NAMPT: variants seen among roughly 807,000 people sequenced by gnomAD.
NAMPT encodes NAmPRTase.
A neutral mutation model predicts 58.7 loss-of-function variants in NAMPT; 7 were observed. The ratio of observed to expected loss-of-function variants is 0.12; its 90% CI spans 0.07 to 0.22. NAMPT has a LOEUF of 0.22. Among genes scored for constraint, NAMPT ranks in the 10% least tolerant of loss-of-function variants. The pLI is 1.00. For missense variants in NAMPT, 271 were observed against 567.9 expected, an observed-to-expected ratio of 0.48 and a Z score of 5.31; for synonymous variants, 145 against 198.1, an observed-to-expected ratio of 0.73 and a Z score of 2.25.
At chr7:106,279,900 C>T (rs939917342) in intron 1 of NAMPT, among the ~76,000 whole-genome samples, 1 of 151,618 alleles carries the variant, frequency 6.6e-6, no homozygotes, top group Non-Finnish European at 1.5e-5. Context: ...AATGCTTTGG[C>T]ATAAGGGACA....
chr7:106,267,626 G>C (rs1474340669), intron 6 of NAMPT, among the ~76,000 whole-genome samples: 1 of 151,692 alleles, frequency 6.6e-6, no homozygotes, highest in African/African-American at 2.4e-5. Flanking sequence ...CGGATCACGA[G>C]GTCAGGAGAT....
intron 9 of NAMPT, among the ~76,000 whole-genome samples, chr7:106,253,926 G>GCT (rs1203370912): frequency 1.3e-5 from 2 of 152,092 alleles, no homozygotes; most frequent in Admixed American, 6.6e-5. Flanking sequence ...CACTTGCCTA[G>GCT]CTGTTCTATG....
At chr7:106,274,441 A>G (rs1251805335) in intron 3 of NAMPT, among the ~76,000 whole-genome samples, 2 of 151,966 alleles carry the variant, frequency 1.3e-5, no homozygotes, top group African/African-American at 4.8e-5. Context: ...GTCAACCTTA[A>G]CTTTTCAAAA....
rs1481815870 is a variant in NAMPT, at chr7:106,284,899, C to T, written c.-15G>A. On this transcript the variant is annotated 5_prime_UTR_variant, in exon 1 of 11. Transcript: ENST00000222553. ...GCAGGATTCATCTCGGGCCGGAGGA[C>T]AGGGGCCGCGCGCCGCGAGCTCCCT... The T allele has an allele frequency of 3.8e-6, 6 of 1,578,528 alleles. No homozygotes were observed. Among genetic ancestry groups the T allele is most frequent in the Non-Finnish European group, 5.2e-6 (6 of 1,161,414 alleles).
At chr7:106,278,987 T>C (rs924818813) in intron 1 of NAMPT, among the ~76,000 whole-genome samples, 3 of 152,212 alleles carry the variant, frequency 2.0e-5, no homozygotes, top group Admixed American at 1.3e-4. Context: ...TTTCTTTTTC[T>C]GAGAAGACGA....
intron 5 of NAMPT, 33 bp from the exon 6 acceptor site, chr7:106,268,633 CAGAA>C (rs1562816225): frequency 2.6e-6 from 4 of 1,528,614 alleles, no homozygotes. Flanking sequence ...AAATCCAAAA[CAGAA>C]AGAAACCCAC....
chr7:106,272,452 A>AT lies in NAMPT; in HGVS notation c.447+77_447+78insA, dbSNP rs1290125128. ...TAGGAGATTATATAGCTTTATTAGT[A>AT]ACAAATTCTAAACTGTAATCTCAGT... On this transcript the variant is annotated intron_variant, in intron 4 of 10. Transcript: ENST00000222553. The AT allele has an allele frequency of 1.1e-5, 15 of 1,332,008 alleles. No individual in the cohort carries two copies. In the African/African-American group the frequency reaches 2.1e-4, roughly 19 times the overall value. 82.5% of individuals were successfully genotyped at this position (1,332,008 alleles called of 1,614,324 possible).
intron 1 of NAMPT, among the ~76,000 whole-genome samples, chr7:106,278,543 T>C (rs536573173): frequency 5.9e-5 from 9 of 152,208 alleles, no homozygotes; most frequent in East Asian, 5.8e-4. Flanking sequence ...GATCCCACTT[T>C]AATAAAATTT....
At chr7:106,284,105 C>A (rs1792816535) in intron 1 of NAMPT, among the ~76,000 whole-genome samples, 1 of 152,208 alleles carries the variant, frequency 6.6e-6, no homozygotes, top group African/African-American at 2.4e-5. Context: ...TTCCTTTTCA[C>A]AGAAATCCTG....
chr7:106,280,317 A>G (rs1396480807), intron 1 of NAMPT, among the ~76,000 whole-genome samples: 1 of 152,224 alleles, frequency 6.6e-6, no homozygotes, highest in Non-Finnish European at 1.5e-5. Flanking sequence ...AACTGCATTA[A>G]TAAGAGTGCC....
chr7:106,261,519 C>A lies in NAMPT; in HGVS notation c.1089+69G>T, dbSNP rs933298757. 4 of 1,246,698 alleles carry A rather than the reference C, an allele frequency of 3.2e-6. No individual in the cohort carries two copies. The African/African-American group carries it at 4.5e-5, about 14-fold the overall frequency. 77.2% of individuals were successfully genotyped at this position (1,246,698 alleles called of 1,614,324 possible). On this transcript the variant is annotated intron_variant, in intron 8 of 10. Coordinates refer to ENST00000222553, the MANE Select transcript of NAMPT (RefSeq NM_005746.3). Reference sequence around the variant, plus strand: ...CTTAAAATTGTATTTATATTGTGTTCTTTATCAAACATAAACAAACTTAAT... The same window carrying A: ...CTTAAAATTGTATTTATATTGTGTTATTTATCAAACATAAACAAACTTAAT...
chr7:106,274,018 A>C (rs1792586984), intron 3 of NAMPT, among the ~76,000 whole-genome samples: 1 of 151,752 alleles, frequency 6.6e-6, no homozygotes, highest in African/African-American at 2.4e-5. Context: ...CATTGTAATA[A>C]AAGGAAACCA....
rs563091021 is a variant in NAMPT, at chr7:106,253,028, C to T, written c.1354G>A (p.Glu452Lys). Residue 452 changes from glutamate (E) to lysine (K), a missense_variant, in exon 10 of 11, where the codon GAA becomes AAA. Coordinates refer to ENST00000222553, the MANE Select transcript of NAMPT (RefSeq NM_005746.3). ...TLEEGKGDLE[E>K]YGQDLLHTVF... ...GCATAGATACATACCTGACCATATT[C>T]CTCAAGGTCTCCTTTTCCTTCCTCC... is the stretch of plus-strand genomic sequence containing the variant. 1.9e-6 allele frequency: 3 copies of T among 1,613,220 alleles called. No individual in the cohort carries two copies. In the East Asian group the frequency reaches 6.7e-5, roughly 36 times the overall value.
intron 4 of NAMPT, 190 bp downstream of exon 4, chr7:106,272,340 C>G (rs1238244165): frequency 6.4e-6 from 3 of 469,618 alleles, no homozygotes; most frequent in Non-Finnish European, 1.1e-5. Context: ...TCAGAACATT[C>G]TATTCTACTA....
intron 1 of NAMPT, among the ~76,000 whole-genome samples, chr7:106,281,308 T>C (rs1406117119): frequency 1.3e-5 from 2 of 152,166 alleles, no homozygotes; most frequent in African/African-American, 2.4e-5. Flanking sequence ...GATGCTTCTC[T>C]AGATGTCCCA....
Position 106,263,285 on chromosome 7 carries a change from G to A in NAMPT, c.969+107C>T, listed in dbSNP as rs1380671993. 1.2e-5 allele frequency: 9 copies of A among 777,128 alleles called. No homozygotes were observed. In the Admixed American group the frequency reaches 2.1e-4, roughly 18 times the overall value. The allele number at this position is 777,128 out of a possible 1,614,324, so 48.1% of individuals were successfully genotyped here. A position where few individuals can be genotyped will look rare whatever the true frequency, so the allele number is the denominator to read the frequency against. The stretch of plus-strand genomic sequence containing the variant: ...TGGGCTGCAACTCTAAAATAAAGGG[G>A]ACTGGTCCACACAGCTCTGAAATTG... On this transcript the variant is annotated intron_variant, in intron 7 of 10. Coordinates refer to ENST00000222553, the MANE Select transcript of NAMPT (RefSeq NM_005746.3).
At chr7:106,257,953 A>G (rs908676235) in intron 8 of NAMPT, among the ~76,000 whole-genome samples, 1 of 152,216 alleles carries the variant, frequency 6.6e-6, no homozygotes, top group Admixed American at 6.5e-5. Flanking sequence ...GGCACCTGGG[A>G]ACAGTACTTA....
chr7:106,255,636 T>A (rs1792186149), intron 8 of NAMPT, among the ~76,000 whole-genome samples: 1 of 152,220 alleles, frequency 6.6e-6, no homozygotes, highest in Non-Finnish European at 1.5e-5. Context: ...TGAATCAAGA[T>A]GAATCTAGAA....
intron 1 of NAMPT, 37 bp from the exon 2 acceptor site, chr7:106,277,216 A>T (rs1400407071): frequency 6.6e-7 from 1 of 1,518,596 alleles, no homozygotes; most frequent in East Asian, 2.3e-5. Flanking sequence ...GAAAACACCG[A>T]TGAGTAGACT....
Sources: gnomAD v4.1 joint callset for allele counts (sites outside exome capture counted in the v4.1 genomes callset) on GRCh38, gnomAD v4.1.1 for gene constraint, MANE v1.5 for transcripts, NCBI Gene and HGNC (gene_info 2026-07-23, HGNC 2026-07-21) for gene names.